The following SLC38A3 variants were observed in gnomAD, a reference collection of about 807,000 sequenced individuals.
SLC38A3 encodes solute carrier family 38 member 3.
In SLC38A3, 17 loss-of-function variants were observed where a neutral mutation model predicts 59.5. That is an observed-to-expected ratio of 0.29 (90% confidence interval 0.20 to 0.43). SLC38A3 has a LOEUF of 0.43. Ranked by LOEUF, SLC38A3 falls within the 20% of genes least tolerant of loss-of-function variation. The pLI is 1.00. For synonymous variants in SLC38A3, 238 were observed against 260.3 expected, an observed-to-expected ratio of 0.91 and a Z score of 0.82; for missense variants, 454 against 653.9, an observed-to-expected ratio of 0.69 and a Z score of 3.33.
At chr3:50,206,573 C>T (rs1056286034) in intron 1 of SLC38A3, among the ~76,000 whole-genome samples, 1 of 152,234 alleles carries the variant, frequency 6.6e-6, no homozygotes, top group Non-Finnish European at 1.5e-5. Context: ...AAATTCGGCA[C>T]AGCCACGGTA....
chr3:50,206,395 C>A (rs1699648109), intron 1 of SLC38A3, among the ~76,000 whole-genome samples: 2 of 152,284 alleles, frequency 1.3e-5, no homozygotes, highest in Non-Finnish European at 1.5e-5. Flanking sequence ...GGCCACAGAG[C>A]TGCCCCTGGA....
In SLC38A3 at chr3:50,217,624, C is replaced by T. The variant is rs1356139330; in HGVS notation, c.691-52C>T. 2 of 1,605,092 alleles carry T rather than the reference C, an allele frequency of 1.2e-6. No homozygotes were observed. On this transcript the variant is annotated intron_variant, in intron 9 of 15. Coordinates refer to ENST00000614032, the MANE Select transcript of SLC38A3 (RefSeq NM_006841.6). This position sits in a 1 kb window ranked among gnomAD's most constrained non-coding sequence, Gnocchi z 4.9. The stretch of plus-strand genomic sequence containing the variant: ...CTAGATGTGGCTTCATGGTGACTTC[C>T]CAGGCAGTCCAGCCTGGGAGTCTCT...
chr3:50,210,124 C>T (rs192920671), intron 1 of SLC38A3, among the ~76,000 whole-genome samples: 2 of 152,194 alleles, frequency 1.3e-5, no homozygotes, highest in East Asian at 3.9e-4. Flanking sequence ...TGGTTTCCCC[C>T]CTTACTAACA....
intron 1 of SLC38A3, among the ~76,000 whole-genome samples, chr3:50,208,177 G>A (rs1047240189): frequency 1.3e-5 from 2 of 152,196 alleles, no homozygotes; most frequent in African/African-American, 4.8e-5. Context: ...TGCCCATTGG[G>A]CCTACTGCCC....
In SLC38A3 at chr3:50,215,349, T is replaced by C; in HGVS notation, c.300-37T>C. The C allele has an allele frequency of 3.7e-6, 6 of 1,600,158 alleles. No individual in the cohort carries two copies. The highest frequency in any genetic ancestry group is 5.1e-6 in the Non-Finnish European group (6 of 1,167,462). On this transcript the variant is annotated intron_variant, in intron 4 of 15. Coordinates refer to ENST00000614032, the MANE Select transcript of SLC38A3 (RefSeq NM_006841.6). The surrounding 1 kb of genome is among the most constrained non-coding windows in gnomAD (Gnocchi z 7.1). The stretch of plus-strand genomic sequence containing the variant: ...TCTGCCAGCCACGGTAGCCCCCCAG[T>C]GGCCTCTTTTTCTTCCATCTTCCCA...
chr3:50,209,484 TA>T (rs561092294), intron 1 of SLC38A3, among the ~76,000 whole-genome samples: 14 of 151,748 alleles, frequency 9.2e-5, no homozygotes, highest in East Asian at 5.8e-4. Context: ...CCGTCTCTAC[TA>T]AAAAATACAA....
chr3:50,214,078 A>T lies in SLC38A3; in HGVS notation c.-51-71A>T. On this transcript the variant is annotated intron_variant, in intron 1 of 15. Coordinates refer to ENST00000614032, the MANE Select transcript of SLC38A3 (RefSeq NM_006841.6). This position sits in a 1 kb window ranked among gnomAD's most constrained non-coding sequence, Gnocchi z 6.0. ...CATCTGGGAGGTGTGCTATGGCTGC[A>T]GGCCTCAGGTAGGAGGCTAGGCCGT... 1.2e-6 allele frequency: 1 copy of T among 818,254 alleles called. No homozygotes were observed. Among genetic ancestry groups the T allele is most frequent in the Non-Finnish European group, 2.0e-6 (1 of 503,004 alleles). 50.7% of individuals were successfully genotyped at this position (818,254 alleles called of 1,614,324 possible). A position where few individuals can be genotyped will look rare whatever the true frequency, so the allele number is the denominator to read the frequency against.
At chr3:50,212,723 GGC>G (rs1699750727) in intron 1 of SLC38A3, among the ~76,000 whole-genome samples, 1 of 152,150 alleles carries the variant, frequency 6.6e-6, no homozygotes, top group Non-Finnish European at 1.5e-5. Context: ...TGCCTCCAGG[GGC>G]ACCAGGCCTG....
chr3:50,213,071 T>C (rs1284669356), intron 1 of SLC38A3, among the ~76,000 whole-genome samples: 1 of 151,838 alleles, frequency 6.6e-6, no homozygotes, highest in African/African-American at 2.4e-5. Flanking sequence ...CTGGACCCAG[T>C]GATGGGAGAG....
In SLC38A3 at chr3:50,215,230, C is replaced by G. The variant is rs948920405; in HGVS notation, c.300-156C>G. ...TCAAAGGGGGTGGTGTTCATCACCC[C>G]TGGGGCCTGCTGAGCTGGCATCCAT... On this transcript the variant is annotated intron_variant, in intron 4 of 15. Transcript: ENST00000614032. This position sits in a 1 kb window ranked among gnomAD's most constrained non-coding sequence, Gnocchi z 7.1. The G allele has an allele frequency of 1.5e-6, 1 of 667,010 alleles. No homozygotes were observed. The highest frequency in any genetic ancestry group is 1.8e-5 in the African/African-American group (1 of 55,632). 41.3% of individuals were successfully genotyped at this position (667,010 alleles called of 1,614,324 possible).
Position 50,217,504 on chromosome 3 carries a change from C to G in SLC38A3, c.690+31C>G. 1 of 1,607,318 alleles carries G rather than the reference C, an allele frequency of 6.2e-7. No individual in the cohort carries two copies. The highest frequency in any genetic ancestry group is 8.5e-7 in the Non-Finnish European group (1 of 1,176,312). On this transcript the variant is annotated intron_variant, in intron 9 of 15. Transcript: ENST00000614032. The surrounding 1 kb of genome is among the most constrained non-coding windows in gnomAD (Gnocchi z 4.9). ...TCACCCTCCATGTTGGCTGAGAAAGCGGGCAGCGGGTCTCCTGGGGGAGTT... is the reference window on the plus strand; with the variant it reads ...TCACCCTCCATGTTGGCTGAGAAAGGGGGCAGCGGGTCTCCTGGGGGAGTT...
Position 50,215,488 on chromosome 3 carries a change from G to A in SLC38A3, c.373+29G>A, listed in dbSNP as rs762984735. 1.8e-5 allele frequency: 29 copies of A among 1,612,924 alleles called. No individual in the cohort carries two copies. Among genetic ancestry groups the A allele is most frequent in the African/African-American group, 2.7e-5 (2 of 74,910 alleles). On this transcript the variant is annotated intron_variant, in intron 5 of 15. Transcript: ENST00000614032. This position sits in a 1 kb window ranked among gnomAD's most constrained non-coding sequence, Gnocchi z 7.1. ...AGCCTCACACCAGCCTGGAATGGGCGGGAGCTGGTGGGTAAACTGGGACAA... is the reference window on the plus strand; with the variant it reads ...AGCCTCACACCAGCCTGGAATGGGCAGGAGCTGGTGGGTAAACTGGGACAA...
chr3:50,216,442 T>C (rs140496530), intron 7 of SLC38A3, among the ~76,000 whole-genome samples: 2,272 of 152,302 alleles, frequency 0.015, 62 homozygotes, highest in African/African-American at 0.052. Context: ...CCCTTGTTTC[T>C]CTGTGCCCCG....
rs770054365 is a variant in SLC38A3, at chr3:50,218,304, C to G, written c.970C>G (p.Leu324Val). The change falls in exon 12 of 16, where the codon CTG (leucine) becomes GTG (valine). Residue 324 changes from leucine to valine, a missense_variant. By Grantham distance (32) the Leu-to-Val change is conservative (BLOSUM62 1). Around this residue, in one of 3 missense-constraint regions of SLC38A3, gnomAD observed 390 missense variants for 557.9 expected, o/e 0.70. Transcript: ENST00000614032. The surrounding 1 kb of genome is among the most constrained non-coding windows in gnomAD (Gnocchi z 5.8). ...SKKKMQHISN[L>V]SIAVMYIMYF... Reference sequence around the variant, plus strand: ...GAAGAAGATGCAGCACATCTCCAACCTGTCCATCGCTGTCATGTACATCAT... The same window carrying G: ...GAAGAAGATGCAGCACATCTCCAACGTGTCCATCGCTGTCATGTACATCAT... The G allele has an allele frequency of 1.2e-6, 2 of 1,613,496 alleles. No homozygotes were observed.
At chr3:50,212,540 G>A (rs993139131) in intron 1 of SLC38A3, among the ~76,000 whole-genome samples, 12 of 152,202 alleles carry the variant, frequency 7.9e-5, no homozygotes, top group Admixed American at 2.6e-4. Context: ...GGGAGGAGAG[G>A]AGGTAAGATG....
intron 7 of SLC38A3, among the ~76,000 whole-genome samples, chr3:50,216,848 C>T (rs185227691): frequency 2.2e-4 from 33 of 152,372 alleles, no homozygotes; most frequent in African/African-American, 7.7e-4. Context: ...TCTTGGCTCA[C>T]TGCAACCTCT....
chr3:50,206,413 C>T (rs1354014152), intron 1 of SLC38A3, among the ~76,000 whole-genome samples: 1 of 152,258 alleles, frequency 6.6e-6, no homozygotes, highest in African/African-American at 2.4e-5. Context: ...GGAAAAGGCC[C>T]TTGGACCTTT....
rs1699830489 is a variant in SLC38A3 at position 50,217,168 on chromosome 3, A to G, written c.549-70A>G. ...CAGTGGCACCATTGGTAACTCCAGC[A>G]GAGGGAGGCAGGGGCCCCATCCCAG... On this transcript the variant is annotated intron_variant, in intron 7 of 15. Coordinates refer to ENST00000614032, the MANE Select transcript of SLC38A3 (RefSeq NM_006841.6). This position sits in a 1 kb window ranked among gnomAD's most constrained non-coding sequence, Gnocchi z 4.9. 2 of 980,630 alleles carry G rather than the reference A, an allele frequency of 2.0e-6. No homozygotes were observed. Among genetic ancestry groups the G allele is most frequent in the East Asian group, 5.1e-5 (2 of 39,022 alleles). 60.7% of individuals were successfully genotyped at this position (980,630 alleles called of 1,614,324 possible). A position where few individuals can be genotyped will look rare whatever the true frequency, so the allele number is the denominator to read the frequency against.
chr3:50,214,262 G>T lies in SLC38A3; in HGVS notation c.63G>T (p.Gly21=). ...TGCCCAATGGCAAACACTCAGAGGG[G>T]CTGCTCCCGGTCATCACCCCCATGG... The part of the protein sequence containing the change: ...ELVPNGKHSE[G]LLPVITPMAG... The change falls in exon 2 of 16, where the codon GGG becomes GGT. Residue 21 remains glycine (G), a synonymous_variant. Coordinates refer to ENST00000614032, the MANE Select transcript of SLC38A3 (RefSeq NM_006841.6). This position sits in a 1 kb window ranked among gnomAD's most constrained non-coding sequence, Gnocchi z 6.0. 6.2e-7 allele frequency: 1 copy of T among 1,613,952 alleles called. No homozygotes were observed. The highest frequency in any genetic ancestry group is 8.5e-7 in the Non-Finnish European group (1 of 1,179,866).
Sources: allele counts gnomAD v4.1 joint callset (sites outside exome capture counted in the v4.1 genomes callset), GRCh38; gene constraint gnomAD v4.1.1; regional missense constraint gnomAD v4.1.1; non-coding constraint Gnocchi (gnomAD v3.1); transcripts MANE v1.5; gene names NCBI Gene and HGNC (gene_info 2026-07-23, HGNC 2026-07-21).